RNLS: variants seen among roughly 807,000 people sequenced by gnomAD.
RNLS encodes the protein renalase.
In RNLS, 39 loss-of-function variants were observed where a neutral mutation model predicts 39.8. The observed-to-expected ratio is 0.98, with a 90% CI of 0.76 to 1.28. The LOEUF (loss-of-function observed/expected upper bound fraction) is 1.28, where lower values mean the gene tolerates loss of function less well. RNLS is among the 50% of genes most tolerant of loss of function. The pLI, the probability that RNLS is intolerant of heterozygous loss-of-function variation, is 0.00. For synonymous variants in RNLS, 147 were observed against 150.7 expected, an observed-to-expected ratio of 0.98 and a Z score of 0.18; for missense variants, 410 against 413.3, an observed-to-expected ratio of 0.99 and a Z score of 0.07.
At chr10:88,511,345 A>C (rs1368106081) in intron 4 of RNLS, among the ~76,000 whole-genome samples, 1 of 152,132 alleles carries the variant, frequency 6.6e-6, no homozygotes, top group Non-Finnish European at 1.5e-5. Context: ...TTTTGGCCTG[A>C]GCAACTGGAG....
intron 3 of RNLS, among the ~76,000 whole-genome samples, chr10:88,574,119 C>T (rs563862545): frequency 2.8e-4 from 43 of 152,140 alleles, no homozygotes; most frequent in African/African-American, 3.6e-4. Context: ...CCAGCCTAGG[C>T]AACATAACAA....
the RNLS span, among the ~76,000 whole-genome samples, chr10:88,241,064 T>A: frequency 4.6e-5 from 7 of 151,500 alleles, no homozygotes; most frequent in African/African-American, 1.7e-4. Flanking sequence ...ATATATTCCA[T>A]CTGGATTGCT....
the RNLS span, among the ~76,000 whole-genome samples, chr10:88,183,301 T>C: frequency 1.3e-5 from 2 of 152,168 alleles, no homozygotes; most frequent in African/African-American, 4.8e-5. Flanking sequence ...TCAGCTAATA[T>C]GTGAAATTGC....
rs180740150 is a variant in RNLS, at chr10:88,416,578, T to C, written c.527-53853A>G. On this transcript the variant is annotated intron_variant, in intron 4 of 6. Coordinates refer to ENST00000331772, the MANE Select transcript of RNLS (RefSeq NM_001031709.3). Reference sequence around the variant, plus strand: ...CTGAATTATATTAATTGGCAAAGTCTATTAGATTTCTTTTGAGGACTTTCA... The same window carrying C: ...CTGAATTATATTAATTGGCAAAGTCCATTAGATTTCTTTTGAGGACTTTCA... 4.6e-5 allele frequency among the ~76,000 whole-genome samples: 7 copies of C among 152,306 alleles called. No individual in the cohort carries two copies. The East Asian group carries it at 1.4e-3, about 29-fold the overall frequency.
At chr10:88,173,741 G>C in the RNLS span, among the ~76,000 whole-genome samples, 1 of 151,986 alleles carries the variant, frequency 6.6e-6, no homozygotes, top group Non-Finnish European at 1.5e-5. Context: ...AATTATTCTT[G>C]CTGCACTTTA....
At chr10:88,464,468 G>C (rs1383675527) in intron 4 of RNLS, among the ~76,000 whole-genome samples, 1 of 152,060 alleles carries the variant, frequency 6.6e-6, no homozygotes, top group Non-Finnish European at 1.5e-5. Flanking sequence ...AAAATCACTT[G>C]GAAGCAGAGC....
chr10:88,571,093 C>T (rs538014193), intron 4 of RNLS, among the ~76,000 whole-genome samples: 2 of 151,696 alleles, frequency 1.3e-5, no homozygotes, highest in Admixed American at 6.6e-5. Context: ...AGGCAATTCC[C>T]CGCCTCAGCC....
At chr10:88,506,445 G>A (rs368158182) in intron 4 of RNLS, among the ~76,000 whole-genome samples, 18 of 151,922 alleles carry the variant, frequency 1.2e-4, no homozygotes, top group African/African-American at 4.3e-4. Context: ...TTACTTTTAA[G>A]TGATGCATGC....
chr10:88,352,226 C>A (rs557355847), intron 5 of RNLS, among the ~76,000 whole-genome samples: 24 of 152,262 alleles, frequency 1.6e-4, no homozygotes, highest in African/African-American at 3.1e-4. Flanking sequence ...GCCAGAACTT[C>A]CAACACTATG....
chr10:88,252,836 C>T, the RNLS span, among the ~76,000 whole-genome samples: 1 of 152,188 alleles, frequency 6.6e-6, no homozygotes, highest in African/African-American at 2.4e-5. Flanking sequence ...CTATTTAATA[C>T]ATGTATTGTA....
chr10:88,380,680 G>A (rs1330444402), intron 4 of RNLS, among the ~76,000 whole-genome samples: 4 of 151,950 alleles, frequency 2.6e-5, no homozygotes, highest in Non-Finnish European at 1.5e-5. Context: ...CACTGTGCCC[G>A]GCCGGTTTTG....
At chr10:88,406,296 T>G (rs1046482957) in intron 4 of RNLS, among the ~76,000 whole-genome samples, 1 of 152,106 alleles carries the variant, frequency 6.6e-6, no homozygotes. Context: ...GAAGTTTTCC[T>G]CGATTACCCC....
At chr10:88,384,773 C>T (rs1231497542) in intron 4 of RNLS, among the ~76,000 whole-genome samples, 1 of 152,092 alleles carries the variant, frequency 6.6e-6, no homozygotes, top group African/African-American at 2.4e-5. Flanking sequence ...TTGAGCTTTT[C>T]GCTTATGAAA....
At chr10:88,516,619 A>G (rs980586489) in intron 4 of RNLS, among the ~76,000 whole-genome samples, 17 of 152,006 alleles carry the variant, frequency 1.1e-4, no homozygotes, top group African/African-American at 3.9e-4. Flanking sequence ...TAGTCCATCT[A>G]TAAAGTTGGT....
intron 6 of RNLS, among the ~76,000 whole-genome samples, chr10:88,291,702 T>C (rs1196029421): frequency 1.3e-5 from 2 of 152,202 alleles, no homozygotes; most frequent in Admixed American, 1.3e-4. Flanking sequence ...TATTCTTTAC[T>C]GTTTTTTTTC....
chr10:88,448,006 T>C (rs1842140688), intron 4 of RNLS, among the ~76,000 whole-genome samples: 1 of 152,142 alleles, frequency 6.6e-6, no homozygotes, highest in Non-Finnish European at 1.5e-5. Context: ...CAAAAATTAA[T>C]TCAAGATGGA....
At chr10:88,298,732 T>A (rs1351665709) in intron 6 of RNLS, among the ~76,000 whole-genome samples, 1 of 152,202 alleles carries the variant, frequency 6.6e-6, no homozygotes, top group Non-Finnish European at 1.5e-5. Context: ...ATTACTGTAG[T>A]TTTGCAGTAA....
chr10:88,182,851 T>G, the RNLS span, among the ~76,000 whole-genome samples: 1 of 152,112 alleles, frequency 6.6e-6, no homozygotes, highest in Admixed American at 6.6e-5. Context: ...AACAATACCA[T>G]TAGCAAGTTC....
chr10:88,233,135 C>T, the RNLS span, among the ~76,000 whole-genome samples: 28 of 152,306 alleles, frequency 1.8e-4, 4 homozygotes, highest in Admixed American at 1.3e-3. Flanking sequence ...CCCACCACAC[C>T]GCCTCCACAG....
Sources: gnomAD v4.1 joint callset for allele counts (sites outside exome capture counted in the v4.1 genomes callset) on GRCh38, gnomAD v4.1.1 for gene constraint, MANE v1.5 for transcripts, NCBI Gene and HGNC (gene_info 2026-07-23, HGNC 2026-07-21) for gene names.